DOCK3: variants seen among roughly 807,000 people sequenced by gnomAD.
The protein encoded by DOCK3 is dedicator of cytokinesis 3.
A neutral mutation model predicts 265.6 loss-of-function variants in DOCK3; 60 were observed. That is an observed-to-expected ratio of 0.23 (90% CI 0.18 to 0.28). The LOEUF (loss-of-function observed/expected upper bound fraction) is 0.28. DOCK3 is among the 10% of genes least tolerant of loss of function. DOCK3 has a pLI of 1.00. For synonymous variants in DOCK3, 881 were observed against 938.0 expected (o/e 0.94, Z 1.11); for missense variants, 1,981 against 2,594.3 (o/e 0.76, Z 5.14).
intron 5 of DOCK3, among the ~76,000 whole-genome samples, chr3:50,991,850 A>G (rs984618777): frequency 1.3e-5 from 2 of 152,202 alleles, no homozygotes; most frequent in African/African-American, 4.8e-5. Flanking sequence ...GACATAAAAT[A>G]GTCCTCAACC....
At chr3:50,704,055 G>A (rs1340723145) in intron 1 of DOCK3, among the ~76,000 whole-genome samples, 2 of 151,950 alleles carry the variant, frequency 1.3e-5, no homozygotes, top group African/African-American at 4.8e-5. Flanking sequence ...TCAGGAACAT[G>A]TTGTTTAATT....
intron 43 of DOCK3, among the ~76,000 whole-genome samples, chr3:51,356,729 T>C (rs2086392657): frequency 1.3e-5 from 2 of 152,150 alleles, no homozygotes; most frequent in Admixed American, 1.3e-4. Flanking sequence ...AACTATTCTC[T>C]GAGATTCAAG....
At chr3:51,252,953 G>T (rs2079337804) in intron 22 of DOCK3, among the ~76,000 whole-genome samples, 1 of 152,214 alleles carries the variant, frequency 6.6e-6, no homozygotes, top group Non-Finnish European at 1.5e-5. Flanking sequence ...TTTTCAAAGG[G>T]AATGCTTCTG....
At chr3:50,760,867 C>T (rs369397519) in intron 1 of DOCK3, among the ~76,000 whole-genome samples, 29 of 151,828 alleles carry the variant, frequency 1.9e-4, no homozygotes, top group East Asian at 9.7e-4. Flanking sequence ...CTGCAAGCTC[C>T]GCCTCCTGGG....
At chr3:51,203,896 C>G (rs549443242) in intron 12 of DOCK3, among the ~76,000 whole-genome samples, 10 of 152,230 alleles carry the variant, frequency 6.6e-5, no homozygotes, top group South Asian at 2.1e-4. Flanking sequence ...ACAAACCTGA[C>G]AAAAACAAGC....
intron 3 of DOCK3, among the ~76,000 whole-genome samples, chr3:50,874,990 C>T (rs983063950): frequency 6.6e-6 from 1 of 152,112 alleles, no homozygotes; most frequent in Non-Finnish European, 1.5e-5. Context: ...CGTTCTCACT[C>T]ATAAGTGGGA....
At chr3:51,254,755 G>C (rs1297128328) in intron 22 of DOCK3, among the ~76,000 whole-genome samples, 1 of 152,026 alleles carries the variant, frequency 6.6e-6, no homozygotes, top group Non-Finnish European at 1.5e-5. Flanking sequence ...TTGAGCCTAT[G>C]TGTGTCTCTG....
At chr3:50,811,891 A>G (rs1295048799) in intron 2 of DOCK3, among the ~76,000 whole-genome samples, 2 of 152,234 alleles carry the variant, frequency 1.3e-5, no homozygotes, top group African/African-American at 2.4e-5. Context: ...GTTAACTGCT[A>G]AAAGGGCTAA....
chr3:50,725,664 T>G (rs910988411), intron 1 of DOCK3, among the ~76,000 whole-genome samples: 4 of 152,208 alleles, frequency 2.6e-5, no homozygotes, highest in African/African-American at 9.6e-5. Flanking sequence ...CCATTCTTGG[T>G]GGCAGCAATG....
intron 2 of DOCK3, among the ~76,000 whole-genome samples, chr3:50,836,753 G>A (rs952725899): frequency 3.9e-5 from 6 of 152,078 alleles, no homozygotes; most frequent in African/African-American, 4.8e-5. Flanking sequence ...CCAGAAAATG[G>A]GTTTTTGTTT....
chr3:51,273,091 G>A (rs1264614848), intron 24 of DOCK3, among the ~76,000 whole-genome samples: 1 of 151,412 alleles, frequency 6.6e-6, no homozygotes, highest in Non-Finnish European at 1.5e-5. Context: ...GAACCCAGGA[G>A]GCAGAATTTG....
chr3:50,744,825 A>C (rs773156235), intron 1 of DOCK3, among the ~76,000 whole-genome samples: 1 of 152,202 alleles, frequency 6.6e-6, no homozygotes, highest in Non-Finnish European at 1.5e-5. Flanking sequence ...CCATTTGCTG[A>C]ACAGTCTGCC....
rs917277559 is a variant in DOCK3 at position 50,750,549 on chromosome 3, C to T, written c.38-28126C>T. On this transcript the variant is annotated intron_variant, in intron 1 of 52. Transcript: ENST00000266037. ...TTCACCATGTTGGCCAGGATGGTCT[C>T]GATCTCTTGACCTCATGATCTGCCT... Among the ~76,000 whole-genome samples, 4 of 152,056 alleles carry T rather than the reference C, an allele frequency of 2.6e-5. No individual in the cohort carries two copies. The South Asian group carries it at 6.2e-4, about 24-fold the overall frequency.
intron 1 of DOCK3, chr3:50,719,924 C>A (rs975735869): frequency 3.9e-5 from 22 of 562,436 alleles, no homozygotes; most frequent in Middle Eastern, 5.1e-4. Context: ...GGAGATGCAG[C>A]CCAAGGGCGT....
chr3:50,881,188 A>G (rs1267899946), intron 3 of DOCK3: 1 of 152,168 alleles, frequency 6.6e-6, no homozygotes, highest in African/African-American at 2.4e-5. Context: ...ATGGGCAAAA[A>G]CTGGAAGCAT....
intron 7 of DOCK3, among the ~76,000 whole-genome samples, chr3:51,082,243 T>G (rs1460478299): frequency 2.6e-5 from 4 of 151,916 alleles, no homozygotes; most frequent in Middle Eastern, 3.2e-3. Flanking sequence ...CACAGTGTCA[T>G]TTTGAGAGCC....
rs555521325 is a variant in DOCK3, at chr3:50,709,615, C to T, written c.37+34315C>T. On this transcript the variant is annotated intron_variant, in intron 1 of 52. Coordinates refer to ENST00000266037, the MANE Select transcript of DOCK3 (RefSeq NM_004947.5). The stretch of plus-strand genomic sequence containing the variant: ...CCGAGGTGGGCCTATCACGTAAGGT[C>T]GGGAGTTCAAGACCAGACTGGCCAA... 2.0e-4 allele frequency among the ~76,000 whole-genome samples: 31 copies of T among 152,138 alleles called. No homozygotes were observed. In the East Asian group the frequency reaches 2.1e-3, roughly 10 times the overall value.
At chr3:50,676,228 T>G (rs969334273) in intron 1 of DOCK3, among the ~76,000 whole-genome samples, 1 of 152,226 alleles carries the variant, frequency 6.6e-6, no homozygotes, top group Non-Finnish European at 1.5e-5. Context: ...TTTACCGCAA[T>G]TTAATCAAGA....
intron 27 of DOCK3, among the ~76,000 whole-genome samples, chr3:51,291,883 A>G (rs1447535406): frequency 6.6e-6 from 1 of 152,216 alleles, no homozygotes; most frequent in African/African-American, 2.4e-5. Flanking sequence ...ACAGTACATT[A>G]AAAGGATTAT....
Sources: gnomAD v4.1 joint callset for allele counts (sites outside exome capture counted in the v4.1 genomes callset) on GRCh38, gnomAD v4.1.1 for gene constraint, MANE v1.5 for transcripts, NCBI Gene and HGNC (gene_info 2026-07-23, HGNC 2026-07-21) for gene names.